The following TIGD6 variants were observed in gnomAD, a reference collection of about 807,000 sequenced individuals.
The protein encoded by TIGD6 is tigger transposable element-derived protein 6.
TIGD6 carries 1 observed loss-of-function variant against 2.6 expected under a neutral mutation model. The ratio of observed to expected loss-of-function variants is 0.39; its 90% CI spans 0.14 to 1.85. The LOEUF is 1.85. Ranked by LOEUF, TIGD6 falls within the 40% of genes most tolerant of loss-of-function variation. The pLI, the probability that TIGD6 is intolerant of heterozygous loss-of-function variation, is 0.32. For synonymous variants in TIGD6, 193 were observed against 221.9 expected (o/e 0.87, Z 1.16); for missense variants, 601 against 634.2 (o/e 0.95, Z 0.56).
chr5:149,996,004 G>C lies in TIGD6; in HGVS notation c.345C>G (p.Asp115Glu). The C allele has an allele frequency of 6.2e-7, 1 of 1,610,956 alleles. No individual in the cohort carries two copies. The highest frequency in any genetic ancestry group is 8.5e-7 in the Non-Finnish European group (1 of 1,180,028). ...ALNLANMLGY[D>E]NFQASVGWLN... is the part of the protein sequence containing the mutation. ...GCCAGCCCACACTTGCTTGAAAATT[G>C]TCATAGCCAAGCATGTTGGCCAAGT... Residue 115 changes from aspartate (D) to glutamate (E), a missense_variant, in exon 2 of 2, where the codon GAC (aspartate) becomes GAG (glutamate). Physicochemically the swap from Asp to Glu is conservative, Grantham distance 45. Coordinates refer to ENST00000296736, the MANE Select transcript of TIGD6 (RefSeq NM_030953.4).
intron 1 of TIGD6, among the ~76,000 whole-genome samples, chr5:149,999,131 C>T (rs991587744): frequency 6.6e-6 from 1 of 152,158 alleles, no homozygotes; most frequent in Non-Finnish European, 1.5e-5. Flanking sequence ...CACAGGAAGT[C>T]CTAGTCAGGT....
chr5:149,996,256 A>G lies in TIGD6; in HGVS notation c.93T>C (p.Gly31=), dbSNP rs1182618150. ...VGAVDSGKRK[G]DVAKEFGITP... is the part of the protein sequence containing the mutation. ...TGATACCAAATTCTTTTGCCACATC[A>G]CCTTTCCTCTTGCCTGAGTCTACAG... The change falls in exon 2 of 2, where the codon GGT becomes GGC. Residue 31 remains glycine (G), a synonymous_variant. Transcript: ENST00000296736. 6.2e-7 allele frequency: 1 copy of G among 1,614,056 alleles called. No homozygotes were observed. Among genetic ancestry groups the G allele is most frequent in the South Asian group, 1.1e-5 (1 of 91,074 alleles).
intron 1 of TIGD6, among the ~76,000 whole-genome samples, chr5:149,998,550 T>C (rs950286488): frequency 3.3e-5 from 5 of 152,154 alleles, no homozygotes; most frequent in Non-Finnish European, 5.9e-5. Context: ...TGTCTAGAAG[T>C]ATTCAGAATT....
intron 1 of TIGD6, among the ~76,000 whole-genome samples, chr5:149,999,156 G>GGGGGC (rs1755472540): frequency 6.6e-6 from 1 of 152,170 alleles, no homozygotes; most frequent in South Asian, 2.1e-4. Context: ...AGCTTGCTTT[G>GGGGGC]GGGGCATTAA....
Position 149,996,284 on chromosome 5 carries a change from C to T in TIGD6, c.65G>A (p.Gly22Glu). 1 of 1,613,864 alleles carries T rather than the reference C, an allele frequency of 6.2e-7. No individual in the cohort carries two copies. Among genetic ancestry groups the T allele is most frequent in the Non-Finnish European group, 8.5e-7 (1 of 1,179,962 alleles). The change falls in exon 2 of 2, where the codon GGA becomes GAA. Residue 22 changes from glycine to glutamate, a missense_variant. Gly to Glu is a moderately conservative substitution (Grantham distance 98). Transcript: ENST00000296736. ...FSLEEKMKVVGAVDSGKRKGD... is the reference protein window; with the variant it reads ...FSLEEKMKVVEAVDSGKRKGD... The stretch of plus-strand genomic sequence containing the variant: ...TTTCCTCTTGCCTGAGTCTACAGCT[C>T]CCACAACTTTCATTTTCTCCTCCAG...
chr5:149,998,552 T>A, intron 1 of TIGD6, among the ~76,000 whole-genome samples: 1 of 152,246 alleles, frequency 6.6e-6, no homozygotes, highest in Middle Eastern at 3.4e-3. Context: ...TCTAGAAGTA[T>A]TCAGAATTTA....
rs752249469 is a variant in TIGD6 at position 149,995,638 on chromosome 5, G to C, written c.711C>G (p.Cys237Trp). 1 of 1,614,210 alleles carries C rather than the reference G, an allele frequency of 6.2e-7. No individual in the cohort carries two copies. The highest frequency in any genetic ancestry group is 8.5e-7 in the Non-Finnish European group (1 of 1,180,042). Residue 237 changes from cysteine (C) to tryptophan (W), a missense_variant, in exon 2 of 2, where the codon TGC becomes TGG. Transcript: ENST00000296736. ...LIVGRSASPH[C>W]LKNIHSLPCD... is the part of the protein sequence containing the mutation. ...AAGGGAGGGAATGAATGTTCTTGAG[G>C]CAGTGTGGGCTGGCTGACCTACCAA...
intron 1 of TIGD6, 32 bp downstream of exon 1, chr5:150,000,442 C>T (rs1755517234): frequency 6.5e-6 from 1 of 154,236 alleles, no homozygotes; most frequent in African/African-American, 2.4e-5. Context: ...GGCCTAGATC[C>T]CTCACGCTCA....
intron 1 of TIGD6, among the ~76,000 whole-genome samples, chr5:149,998,566 C>G (rs1008829055): frequency 6.6e-6 from 1 of 152,184 alleles, no homozygotes; most frequent in African/African-American, 2.4e-5. Context: ...GAATTTAAAA[C>G]AAACAGTCCC....
chr5:149,994,894 GTC>G lies in TIGD6; in HGVS notation c.1453_1454del (p.Asp485HisfsTer3). ...ATTGTCCAAAAATGGCATCAGGAAT[GTC>G]TACACAAGTGGAAAGGAACTGTCTA... ...KLRQFLSTCV[D>X]IPDAIFGQLN... On this transcript the variant is annotated frameshift_variant, in exon 2 of 2. Transcript: ENST00000296736. LOFTEE classifies it high-confidence loss of function. 1 of 1,611,536 alleles carries G rather than the reference GTC, an allele frequency of 6.2e-7. No homozygotes were observed. The highest frequency in any genetic ancestry group is 1.1e-5 in the South Asian group (1 of 90,740).
chr5:149,995,817 C>T lies in TIGD6; in HGVS notation c.532G>A (p.Ala178Thr), dbSNP rs145685975. The T allele has an allele frequency of 8.7e-6, 14 of 1,614,238 alleles. 1 individual carries two copies. The African/African-American group carries it at 1.5e-4, about 17-fold the overall frequency. The change falls in exon 2 of 2, where the codon GCT becomes ACT. Residue 178 changes from alanine to threonine, a missense_variant. Coordinates refer to ENST00000296736, the MANE Select transcript of TIGD6 (RefSeq NM_030953.4). ...TGGAAAAACACTCCTGTCTCATCAG[C>T]ATTAAAGATATCATCTGGGCTGTAG... ...ADYSPDDIFN[A>T]DETGVFFQLL...
intron 1 of TIGD6, 33 bp from the exon 2 acceptor site, chr5:149,996,462 A>G: frequency 7.1e-7 from 1 of 1,400,984 alleles, no homozygotes; most frequent in Non-Finnish European, 9.6e-7. Flanking sequence ...CTATCAGGAA[A>G]CAATGGATTT....
In TIGD6 at chr5:149,995,589, C is replaced by G; in HGVS notation, c.760G>C (p.Ala254Pro). ...LPCDYRANQW[A>P]WMTRDLFNEW... is the part of the protein sequence containing the mutation. ...TTAAACAGATCCCTTGTCATCCAAGCCCACTGGTTGGCTCGGTAATCACAA... is the reference window on the plus strand; with the variant it reads ...TTAAACAGATCCCTTGTCATCCAAGGCCACTGGTTGGCTCGGTAATCACAA... The change falls in exon 2 of 2, where the codon GCT becomes CCT. Residue 254 changes from alanine to proline, a missense_variant. Transcript: ENST00000296736. 6.2e-7 allele frequency: 1 copy of G among 1,614,228 alleles called. No homozygotes were observed. The highest frequency in any genetic ancestry group is 1.1e-5 in the South Asian group (1 of 91,084).
At position 149,994,634 on chromosome 5, in the gene TIGD6, T is replaced by C; in HGVS notation, c.*149A>G. 1 of 698,374 alleles carries C rather than the reference T, an allele frequency of 1.4e-6. No homozygotes were observed. The highest frequency in any genetic ancestry group is 2.2e-6 in the Non-Finnish European group (1 of 462,704). 43.3% of individuals were successfully genotyped at this position (698,374 alleles called of 1,614,324 possible). On this transcript the variant is annotated 3_prime_UTR_variant, in exon 2 of 2. Coordinates refer to ENST00000296736, the MANE Select transcript of TIGD6 (RefSeq NM_030953.4). Reference sequence around the variant, plus strand: ...ACAAAAGAAAAGAAAACACACATATTAGTCAAATTCCATTCAAAGAAGTTT... The same window carrying C: ...ACAAAAGAAAAGAAAACACACATATCAGTCAAATTCCATTCAAAGAAGTTT...
Position 149,993,382 on chromosome 5 carries a change from T to C in TIGD6, c.*1401A>G, listed in dbSNP as rs1249484779. 6.6e-6 allele frequency: 1 copy of C among 152,168 alleles called. No individual in the cohort carries two copies. The highest frequency in any genetic ancestry group is 1.5e-5 in the Non-Finnish European group (1 of 68,024). The allele number at this position is 152,168 out of a possible 1,614,324, so 9.4% of individuals were successfully genotyped here. On this transcript the variant is annotated 3_prime_UTR_variant, in exon 2 of 2. Coordinates refer to ENST00000296736, the MANE Select transcript of TIGD6 (RefSeq NM_030953.4). Reference sequence around the variant, plus strand: ...GACATCACACCATTAGCAGGTATTGTGTGAAACTTCTAAAAATGAAACTGA... The same window carrying C: ...GACATCACACCATTAGCAGGTATTGCGTGAAACTTCTAAAAATGAAACTGA...
chr5:149,995,940 C>G lies in TIGD6; in HGVS notation c.409G>C (p.Ala137Pro), dbSNP rs1216335114. 5.6e-6 allele frequency: 9 copies of G among 1,613,462 alleles called. 1 individual carries two copies. In the South Asian group the frequency reaches 9.9e-5, roughly 18 times the overall value. Residue 137 changes from alanine (A) to proline (P), a missense_variant, in exon 2 of 2, where the codon GCA (alanine) becomes CCA (proline). Coordinates refer to ENST00000296736, the MANE Select transcript of TIGD6 (RefSeq NM_030953.4). ...FRDRHGIALK[A>P]VCREDSDRLM... ...CTGTCACTATCTTCTCTACAGACTG[C>G]TTTCAAAGCAATTCCGTGGCGATCT...
At chr5:149,996,727 A>C (rs1434029843) in intron 1 of TIGD6, among the ~76,000 whole-genome samples, 1 of 152,272 alleles carries the variant, frequency 6.6e-6, no homozygotes, top group Non-Finnish European at 1.5e-5. Context: ...AGAGCTTGGC[A>C]AATAGCATTG....
At position 149,995,464 on chromosome 5, in the gene TIGD6, C is replaced by T; in HGVS notation, c.885G>A (p.Leu295=). ...GCAGATACCCAACCTGAATCCTTTC[C>T]AAGTGTGGAAGCATGTTATGAGCAG... The part of the protein sequence containing the change: ...NCSAHNMLPH[L]ERIQVGYLPS... The change falls in exon 2 of 2, where the codon TTG becomes TTA. Residue 295 remains leucine (L), a synonymous_variant. Transcript: ENST00000296736. 1.2e-6 allele frequency: 2 copies of T among 1,614,254 alleles called. No individual in the cohort carries two copies. Among genetic ancestry groups the T allele is most frequent in the East Asian group, 2.2e-5 (1 of 44,890 alleles).
chr5:149,994,667 A>G lies in TIGD6; in HGVS notation c.*116T>C. ...TTCCATTCAAAGAAGTTTCCTGGCT[A>G]TTTCAGAGTACTGGAATGTTGTCAC... On this transcript the variant is annotated 3_prime_UTR_variant, in exon 2 of 2. Coordinates refer to ENST00000296736, the MANE Select transcript of TIGD6 (RefSeq NM_030953.4). 1 of 1,028,678 alleles carries G rather than the reference A, an allele frequency of 9.7e-7. No individual in the cohort carries two copies. The highest frequency in any genetic ancestry group is 1.3e-6 in the Non-Finnish European group (1 of 750,538). 63.7% of individuals were successfully genotyped at this position (1,028,678 alleles called of 1,614,324 possible). A position where few individuals can be genotyped will look rare whatever the true frequency, so the allele number is the denominator to read the frequency against.
Sources: allele counts gnomAD v4.1 joint callset (sites outside exome capture counted in the v4.1 genomes callset), GRCh38; gene constraint gnomAD v4.1.1; transcripts MANE v1.5; gene names NCBI Gene and HGNC (gene_info 2026-07-23, HGNC 2026-07-21).